ARFIP1: variants seen among roughly 807,000 people sequenced by gnomAD.
ARFIP1 encodes the protein ARF interacting protein 1, also known as arfaptin-1.
A neutral mutation model predicts 42.5 loss-of-function variants in ARFIP1; 24 were observed. That is an observed-to-expected ratio of 0.57 (90% CI 0.41 to 0.80). ARFIP1 has a LOEUF of 0.80. ARFIP1 is among the 30% of genes least tolerant of loss of function. The pLI is 0.00. For missense variants in ARFIP1, 354 were observed against 434.0 expected (o/e 0.82, Z 1.64); for synonymous variants, 141 against 153.7 (o/e 0.92, Z 0.61).
chr4:152,893,633 G>A lies in ARFIP1; in HGVS notation c.966+5326G>A, dbSNP rs150400134. Among the ~76,000 whole-genome samples the A allele has an allele frequency of 8.1e-3, 1,227 of 152,120 alleles. 15 individuals carry two copies. Among genetic ancestry groups the A allele is most frequent in the African/African-American group, 0.027 (1,139 of 41,514 alleles). Reference sequence around the variant, plus strand: ...GGGTTTTATTCTTATTTTAAGAAGTGTAAAATACACTCCTACTCTAAGGTA... The same window carrying A: ...GGGTTTTATTCTTATTTTAAGAAGTATAAAATACACTCCTACTCTAAGGTA... On this transcript the variant is annotated intron_variant, in intron 8 of 8. Transcript: ENST00000353617.
intron 2 of ARFIP1, among the ~76,000 whole-genome samples, chr4:152,836,594 A>G (rs1731669645): frequency 6.6e-6 from 1 of 152,118 alleles, no homozygotes; most frequent in Non-Finnish European, 1.5e-5. Context: ...CAGTAATTAA[A>G]ACTGGAGTAA....
chr4:152,796,011 G>A (rs1319025251), intron 1 of ARFIP1: 1 of 618,756 alleles, frequency 1.6e-6, no homozygotes, highest in East Asian at 3.4e-5. Context: ...TACAGTAATG[G>A]TAGTTTTTTC....
intron 6 of ARFIP1, among the ~76,000 whole-genome samples, chr4:152,882,498 T>C (rs545051384): frequency 6.6e-6 from 1 of 152,278 alleles, no homozygotes; most frequent in East Asian, 1.9e-4. Flanking sequence ...TATTTAGCTT[T>C]TAGGTATGTA....
chr4:152,804,780 A>G (rs999538558), intron 1 of ARFIP1, among the ~76,000 whole-genome samples: 1 of 151,980 alleles, frequency 6.6e-6, no homozygotes, highest in African/African-American at 2.4e-5. Context: ...GAATTAAATC[A>G]GTTAATATGT....
At position 152,808,283 on chromosome 4, in the gene ARFIP1, A is replaced by ATTTTTT. The variant is rs61135783; in HGVS notation, c.-9-21313_-9-21308dup. On this transcript the variant is annotated intron_variant, in intron 1 of 8. Transcript: ENST00000353617. Reference sequence around the variant, plus strand: ...GTGTGAGCCACCACGCCTGGCCTCCATTTTTTTTTTTTTTTTTTTTTTTTT... The same window carrying ATTTTTT: ...GTGTGAGCCACCACGCCTGGCCTCCATTTTTTTTTTTTTTTTTTTTTTTTTTTTTTT... Among the ~76,000 whole-genome samples the ATTTTTT allele has an allele frequency of 3.6e-3, 73 of 20,308 alleles. 10 individuals carry two copies. Among genetic ancestry groups the ATTTTTT allele is most frequent in the African/African-American group, 4.7e-3 (29 of 6,202 alleles). 13.3% of individuals were successfully genotyped at this position (20,308 alleles called of 152,430 possible).
At chr4:152,888,935 T>A (rs1197813603) in intron 8 of ARFIP1, among the ~76,000 whole-genome samples, 1 of 152,182 alleles carries the variant, frequency 6.6e-6, no homozygotes, top group East Asian at 1.9e-4. Flanking sequence ...ATATCTCTAT[T>A]ACTTGCATAT....
intron 8 of ARFIP1, among the ~76,000 whole-genome samples, chr4:152,900,803 T>G (rs1441395878): frequency 6.6e-6 from 1 of 152,246 alleles, no homozygotes; most frequent in Non-Finnish European, 1.5e-5. Flanking sequence ...TGTTAGCGGT[T>G]GGGGACCTCT....
intron 5 of ARFIP1, among the ~76,000 whole-genome samples, chr4:152,874,256 T>C (rs1005972107): frequency 6.6e-6 from 1 of 152,242 alleles, no homozygotes; most frequent in Admixed American, 6.5e-5. Context: ...CTATTAAAAA[T>C]TTGTGTTAAT....
chr4:152,909,552 A>G (rs1461916232), intron 8 of ARFIP1, among the ~76,000 whole-genome samples: 2 of 152,220 alleles, frequency 1.3e-5, no homozygotes, highest in Non-Finnish European at 2.9e-5. Context: ...ATTGAGAGTC[A>G]TATGAGCGTT....
At chr4:152,882,177 G>A (rs1403518009) in intron 6 of ARFIP1, among the ~76,000 whole-genome samples, 3 of 152,168 alleles carry the variant, frequency 2.0e-5, no homozygotes, top group African/African-American at 7.2e-5. Context: ...AGCTGGTGTT[G>A]AGTGATCCTT....
At chr4:152,784,571 G>A (rs113302306) in intron 1 of ARFIP1, among the ~76,000 whole-genome samples, 1,962 of 152,314 alleles carry the variant, frequency 0.013, 21 homozygotes, top group South Asian at 0.023. Context: ...CTGTTTTTCA[G>A]AGTAGGCAAT....
intron 2 of ARFIP1, among the ~76,000 whole-genome samples, chr4:152,849,632 G>T (rs1311050768): frequency 6.6e-6 from 1 of 152,084 alleles, no homozygotes; most frequent in Non-Finnish European, 1.5e-5. Flanking sequence ...GAATGGGAGA[G>T]AGGGAGAAAA....
intron 7 of ARFIP1, among the ~76,000 whole-genome samples, chr4:152,885,871 A>C (rs562762300): frequency 6.6e-6 from 1 of 152,134 alleles, no homozygotes; most frequent in South Asian, 2.1e-4. Context: ...AATAATAAGC[A>C]TTCTAAAGGT....
chr4:152,852,232 A>C (rs565967456), intron 2 of ARFIP1, among the ~76,000 whole-genome samples: 10 of 152,330 alleles, frequency 6.6e-5, no homozygotes, highest in African/African-American at 2.2e-4. Context: ...AAATGGGTCC[A>C]TTGTCTCTGA....
intron 8 of ARFIP1, among the ~76,000 whole-genome samples, chr4:152,897,812 G>A (rs114510466): frequency 2.0e-3 from 302 of 152,180 alleles, no homozygotes; most frequent in African/African-American, 6.8e-3. Flanking sequence ...TGCATTGGTT[G>A]TGCTGTTGAT....
At chr4:152,884,018 T>C (rs1736070284) in intron 7 of ARFIP1, among the ~76,000 whole-genome samples, 2 of 152,060 alleles carry the variant, frequency 1.3e-5, no homozygotes, top group African/African-American at 4.8e-5. Flanking sequence ...TGAGTGCTTA[T>C]TAAATATATA....
At chr4:152,841,717 C>T (rs1278358721) in intron 2 of ARFIP1, among the ~76,000 whole-genome samples, 1 of 152,072 alleles carries the variant, frequency 6.6e-6, no homozygotes, top group Non-Finnish European at 1.5e-5. Context: ...AGATAGGGCC[C>T]CAATCCATTC....
At position 152,872,556 on chromosome 4, in the gene ARFIP1, A is replaced by C; in HGVS notation, c.403A>C (p.Thr135Pro). The C allele has an allele frequency of 2.5e-6, 4 of 1,569,848 alleles. No homozygotes were observed. Among genetic ancestry groups the C allele is most frequent in the Non-Finnish European group, 3.5e-6 (4 of 1,151,736 alleles). The change falls in exon 5 of 9, where the codon ACC becomes CCC. Residue 135 changes from threonine (T) to proline (P), a missense_variant. Transcript: ENST00000353617. ...ACTTGTTAGAAAATGGAGTCTAAAC[A>C]CCTATAAGGTTTGTAATTATTTAAT... ...LELVRKWSLN[T>P]YKCTRQIISE... is the part of the protein sequence containing the mutation.
At chr4:152,813,432 C>T (rs769239171) in intron 1 of ARFIP1, among the ~76,000 whole-genome samples, 1 of 151,986 alleles carries the variant, frequency 6.6e-6, no homozygotes, top group African/African-American at 2.4e-5. Context: ...CTCTACTCTG[C>T]GTTTTTCCTC....
Sources: gnomAD v4.1 joint callset for allele counts (sites outside exome capture counted in the v4.1 genomes callset) on GRCh38, gnomAD v4.1.1 for gene constraint, MANE v1.5 for transcripts, NCBI Gene and HGNC (gene_info 2026-07-23, HGNC 2026-07-21) for gene names.